F2: variants seen among roughly 807,000 people sequenced by gnomAD.
F2 encodes the protein prothrombin.
F2 carries 34 observed loss-of-function variants against 81.9 expected under a neutral mutation model. The observed-to-expected ratio is 0.42, with a 90% CI of 0.32 to 0.55. The LOEUF is 0.55. F2 is among the 20% of genes least tolerant of loss of function. The pLI is 0.18. For synonymous variants in F2, 296 were observed against 326.4 expected (o/e 0.91, Z 1.01); for missense variants, 630 against 833.4 (o/e 0.76, Z 3.00).
chr11:46,719,963 G>C lies in F2; in HGVS notation c.240+101G>C. On this transcript the variant is annotated intron_variant, in intron 2 of 13. Transcript: ENST00000311907. This position sits in a 1 kb window ranked among gnomAD's most constrained non-coding sequence, Gnocchi z 4.7. ...CGAGGAACGCCACAGCCCCTTCGCT[G>C]CTCACAGCCTCATTTCAACTCTGAG... is the stretch of plus-strand genomic sequence containing the variant. The C allele has an allele frequency of 1.4e-6, 2 of 1,447,918 alleles. No individual in the cohort carries two copies. Among genetic ancestry groups the C allele is most frequent in the Non-Finnish European group, 1.9e-6 (2 of 1,069,070 alleles). The allele number at this position is 1,447,918 out of a possible 1,614,324, so 89.7% of individuals were successfully genotyped here. A position where few individuals can be genotyped will look rare whatever the true frequency, so the allele number is the denominator to read the frequency against.
intron 12 of F2, among the ~76,000 whole-genome samples, chr11:46,731,785 A>G (rs1187007823): frequency 1.3e-5 from 2 of 152,060 alleles, no homozygotes; most frequent in East Asian, 3.9e-4. Flanking sequence ...ACATGAGAAC[A>G]ATTTGTCTCA....
At chr11:46,729,883 T>A (rs2064899834) in intron 12 of F2, among the ~76,000 whole-genome samples, 1 of 152,086 alleles carries the variant, frequency 6.6e-6, no homozygotes, top group South Asian at 2.1e-4. Context: ...CCAGGCAGCG[T>A]TCTAGGGTAT....
intron 12 of F2, among the ~76,000 whole-genome samples, chr11:46,730,796 A>ATATATG (rs942052249): frequency 3.5e-5 from 5 of 142,202 alleles, no homozygotes; most frequent in Non-Finnish European, 6.4e-5. Context: ...TTATATATAT[A>ATATATG]TATGCATAGT....
At chr11:46,734,635 A>G (rs1461318758) in intron 12 of F2, among the ~76,000 whole-genome samples, 1 of 151,956 alleles carries the variant, frequency 6.6e-6, no homozygotes, top group Admixed American at 6.6e-5. Flanking sequence ...ACATGGTGAA[A>G]CCCTGTCTCT....
At chr11:46,731,876 G>A (rs2064913761) in intron 12 of F2, among the ~76,000 whole-genome samples, 1 of 140,864 alleles carries the variant, frequency 7.1e-6, no homozygotes, top group African/African-American at 2.6e-5. Flanking sequence ...TTTTCCCTTT[G>A]TAATTAATAA....
Position 46,726,958 on chromosome 11 carries a change from A to G in F2, c.1130+121A>G. ...AGATGACAACAGCTGAGCATCCAGG[A>G]TCCCACCAACTCCACACAGCAGCCA... is the stretch of plus-strand genomic sequence containing the variant. On this transcript the variant is annotated intron_variant, in intron 9 of 13. Coordinates refer to ENST00000311907, the MANE Select transcript of F2 (RefSeq NM_000506.5). This position sits in a 1 kb window ranked among gnomAD's most constrained non-coding sequence, Gnocchi z 5.9. 6.0e-6 allele frequency: 9 copies of G among 1,490,280 alleles called. No individual in the cohort carries two copies. The highest frequency in any genetic ancestry group is 8.3e-6 in the Non-Finnish European group (9 of 1,086,422). The allele number at this position is 1,490,280 out of a possible 1,614,324, so 92.3% of individuals were successfully genotyped here.
At position 46,719,763 on chromosome 11, in the gene F2, C is replaced by T; in HGVS notation, c.141C>T (p.Phe47=). ...LLQRVRRANT[F]LEEVRKGNLE... is the part of the protein sequence containing the mutation. Reference sequence around the variant, plus strand: ...AGCGGGTCCGGCGAGCCAACACCTTCTTGGAGGAGGTGCGCAAGGGCAACC... The same window carrying T: ...AGCGGGTCCGGCGAGCCAACACCTTTTTGGAGGAGGTGCGCAAGGGCAACC... The change falls in exon 2 of 14, where the codon TTC becomes TTT. Residue 47 remains phenylalanine, a synonymous_variant. Transcript: ENST00000311907. The surrounding 1 kb of genome is among the most constrained non-coding windows in gnomAD (Gnocchi z 4.7). 1 of 1,598,460 alleles carries T rather than the reference C, an allele frequency of 6.3e-7. No homozygotes were observed. Among genetic ancestry groups the T allele is most frequent in the Non-Finnish European group, 8.5e-7 (1 of 1,173,668 alleles).
chr11:46,723,558 G>C lies in F2; in HGVS notation c.559+40G>C. The C allele has an allele frequency of 6.3e-7, 1 of 1,578,726 alleles. No homozygotes were observed. The highest frequency in any genetic ancestry group is 1.3e-5 in the African/African-American group (1 of 74,418). ...GTGGGGCGGCCCATGGCCAAGGCCC[G>C]GGGGCTTCATGGGGCCTGGCAGCCT... On this transcript the variant is annotated intron_variant, in intron 6 of 13. Transcript: ENST00000311907. The surrounding 1 kb of genome is among the most constrained non-coding windows in gnomAD (Gnocchi z 5.6).
At position 46,728,372 on chromosome 11, in the gene F2, T is replaced by C. The variant is rs1013664770; in HGVS notation, c.1298+209T>C. Among the ~76,000 whole-genome samples the C allele has an allele frequency of 6.6e-6, 1 of 152,196 alleles. No individual in the cohort carries two copies. The highest frequency in any genetic ancestry group is 6.5e-5 in the Admixed American group (1 of 15,292). ...AGAAATCCGTCTGTCTCCTGGTCCC[T>C]CCAACACTAGGATATAGCCCATGTG... On this transcript the variant is annotated intron_variant, in intron 10 of 13. Transcript: ENST00000311907. The surrounding 1 kb of genome is among the most constrained non-coding windows in gnomAD (Gnocchi z 5.1).
Position 46,728,138 on chromosome 11 carries a change from C to G in F2, c.1273C>G (p.Arg425Gly). 2 of 1,610,372 alleles carry G rather than the reference C, an allele frequency of 1.2e-6. No individual in the cohort carries two copies. Among genetic ancestry groups the G allele is most frequent in the Non-Finnish European group, 1.7e-6 (2 of 1,178,784 alleles). ...CTTCACCGAGAATGACCTTCTGGTG[C>G]GCATTGGCAAGCACTCCCGCACCAG... ...KNFTENDLLV[R>G]IGKHSRTRYE... is the part of the protein sequence containing the mutation. The change falls in exon 10 of 14, where the codon CGC becomes GGC. Residue 425 changes from arginine (R) to glycine (G), a missense_variant. Transcript: ENST00000311907. This position sits in a 1 kb window ranked among gnomAD's most constrained non-coding sequence, Gnocchi z 5.1.
chr11:46,737,082 G>A (rs1185047947), intron 12 of F2, among the ~76,000 whole-genome samples: 1 of 151,990 alleles, frequency 6.6e-6, no homozygotes, highest in East Asian at 1.9e-4. Flanking sequence ...ATTAGTTAAT[G>A]GCTTGCCGGT....
intron 9 of F2, among the ~76,000 whole-genome samples, chr11:46,727,474 G>T (rs1376505867): frequency 6.6e-6 from 1 of 152,108 alleles, no homozygotes; most frequent in Non-Finnish European, 1.5e-5. Flanking sequence ...ACCTAGTTAG[G>T]GGGTGCAAAA....
At chr11:46,727,170 C>T (rs181982035) in intron 9 of F2, among the ~76,000 whole-genome samples, 24 of 152,208 alleles carry the variant, frequency 1.6e-4, no homozygotes, top group African/African-American at 5.1e-4. Flanking sequence ...TACAGACATG[C>T]GCCACCACAC....
chr11:46,723,597 A>C lies in F2; in HGVS notation c.559+79A>C. 1 of 1,516,762 alleles carries C rather than the reference A, an allele frequency of 6.6e-7. No individual in the cohort carries two copies. Among genetic ancestry groups the C allele is most frequent in the East Asian group, 2.4e-5 (1 of 40,926 alleles). 94.0% of individuals were successfully genotyped at this position (1,516,762 alleles called of 1,614,324 possible). Reference sequence around the variant, plus strand: ...GCCTGGCAGCCTGGGATGGGAACCAAGAATACTGGCTACCCAGGCACAGTG... The same window carrying C: ...GCCTGGCAGCCTGGGATGGGAACCACGAATACTGGCTACCCAGGCACAGTG... On this transcript the variant is annotated intron_variant, in intron 6 of 13. Transcript: ENST00000311907. This position sits in a 1 kb window ranked among gnomAD's most constrained non-coding sequence, Gnocchi z 5.6.
chr11:46,734,172 A>C (rs1453183109), intron 12 of F2, among the ~76,000 whole-genome samples: 1 of 151,956 alleles, frequency 6.6e-6, no homozygotes, highest in Non-Finnish European at 1.5e-5. Context: ...ATCTTGGCTC[A>C]CTGCAGCCTC....
Position 46,727,094 on chromosome 11 carries a change from T to C in F2, c.1130+257T>C, listed in dbSNP as rs3136464. On this transcript the variant is annotated intron_variant, in intron 9 of 13. Coordinates refer to ENST00000311907, the MANE Select transcript of F2 (RefSeq NM_000506.5). The stretch of plus-strand genomic sequence containing the variant: ...CTCGGCTCACTACCTCGATCTCAGC[T>C]CACTGCAACTTCTGCCTTCCGGGTT... 6.3e-3 allele frequency among the ~76,000 whole-genome samples: 960 copies of C among 152,338 alleles called. 13 individuals are homozygous for C. The highest frequency in any genetic ancestry group is 0.022 in the African/African-American group (916 of 41,596).
Position 46,726,097 on chromosome 11 carries a change from C to G in F2, c.798C>G (p.Asp266Glu). 1.2e-6 allele frequency: 2 copies of G among 1,614,184 alleles called. No individual in the cohort carries two copies. Among genetic ancestry groups the G allele is most frequent in the Non-Finnish European group, 1.7e-6 (2 of 1,180,024 alleles). The change falls in exon 7 of 14, where the codon GAC becomes GAG. Residue 266 changes from aspartate (D) to glutamate (E), a missense_variant. By Grantham distance (45) the Asp-to-Glu change is conservative (BLOSUM62 2). Transcript: ENST00000311907. This position sits in a 1 kb window ranked among gnomAD's most constrained non-coding sequence, Gnocchi z 5.9. ...QLVENFCRNP[D>E]GDEEGVWCYV... ...TGGAGAACTTCTGCCGCAACCCAGA[C>G]GGGGATGAGGAGGGCGTGTGGTGCT... is the stretch of plus-strand genomic sequence containing the variant.
At position 46,723,946 on chromosome 11, in the gene F2, A is replaced by G. The variant is rs531580152; in HGVS notation, c.559+428A>G. On this transcript the variant is annotated intron_variant, in intron 6 of 13. Transcript: ENST00000311907. This position sits in a 1 kb window ranked among gnomAD's most constrained non-coding sequence, Gnocchi z 5.6. ...AGAGCTGGCGTCAGTCATTCAGATC[A>G]TATCTGTGCCTATTGCTCAGTAAAG... Among the ~76,000 whole-genome samples the G allele has an allele frequency of 2.6e-4, 40 of 152,138 alleles. No homozygotes were observed. The highest frequency in any genetic ancestry group is 9.4e-4 in the African/African-American group (39 of 41,524).
Position 46,728,293 on chromosome 11 carries a change from C to G in F2, c.1298+130C>G, listed in dbSNP as rs961757734. The G allele has an allele frequency of 4.6e-6, 5 of 1,081,172 alleles. No individual in the cohort carries two copies. In the African/African-American group the frequency reaches 4.7e-5, roughly 10 times the overall value. The allele number at this position is 1,081,172 out of a possible 1,614,324, so 67.0% of individuals were successfully genotyped here. ...CCCCAGAATATAACATCCCAGCAGT[C>G]TCTGCTGGAAAGCCCATTTGGTCAC... On this transcript the variant is annotated intron_variant, in intron 10 of 13. Coordinates refer to ENST00000311907, the MANE Select transcript of F2 (RefSeq NM_000506.5). This position sits in a 1 kb window ranked among gnomAD's most constrained non-coding sequence, Gnocchi z 5.1.
Sources: gnomAD v4.1 joint callset for allele counts (sites outside exome capture counted in the v4.1 genomes callset) on GRCh38, gnomAD v4.1.1 for gene constraint, Gnocchi (gnomAD v3.1) non-coding constraint, MANE v1.5 for transcripts, NCBI Gene and HGNC (gene_info 2026-07-23, HGNC 2026-07-21) for gene names.